Variants in ABCB1 observed in about 807,000 individuals in gnomAD.
ABCB1 encodes the protein ATP binding cassette subfamily B member 1.
A neutral mutation model predicts 142.0 loss-of-function variants in ABCB1; 69 were observed. The ratio of observed to expected loss-of-function variants is 0.49; its 90% CI spans 0.40 to 0.59. ABCB1 has a LOEUF of 0.59. ABCB1 is among the 20% of genes least tolerant of loss of function. The pLI, the probability that ABCB1 is intolerant of heterozygous loss-of-function variation, is 0.00. For synonymous variants in ABCB1, 532 were observed against 539.2 expected (o/e 0.99, Z 0.18); for missense variants, 1,326 against 1,554.7 (o/e 0.85, Z 2.47).
At chr7:87,587,265 A>G (rs904108821) in intron 3 of ABCB1, among the ~76,000 whole-genome samples, 2 of 152,196 alleles carry the variant, frequency 1.3e-5, no homozygotes, top group African/African-American at 4.8e-5. Context: ...ATATGAAAAA[A>G]TTTCTCCCAT....
chr7:87,550,173 T>A lies in ABCB1; in HGVS notation c.1348A>T (p.Met450Leu), dbSNP rs1223199758. 6.2e-7 allele frequency: 1 copy of A among 1,614,038 alleles called. No homozygotes were observed. The highest frequency in any genetic ancestry group is 1.3e-5 in the African/African-American group (1 of 74,920). Residue 450 changes from methionine (M) to leucine (L), a missense_variant and splice_region_variant, in exon 12 of 28, where the codon ATG (methionine) becomes TTG (leucine). Transcript: ENST00000622132. ...MQRLYDPTEG[M>L]VSVDGQDIRT... is the part of the protein sequence containing the mutation. ...CTAGCTCGCATGGGTCATCTCACCA[T>A]CCCCTCTGTGGGGTCATAGAGCCTC... is the stretch of plus-strand genomic sequence containing the variant.
chr7:87,511,959 G>T (rs1210538005), intron 25 of ABCB1, among the ~76,000 whole-genome samples: 1 of 152,132 alleles, frequency 6.6e-6, no homozygotes, highest in East Asian at 1.9e-4. Context: ...ACTGATGAAG[G>T]TTAAGCTTCA....
chr7:87,618,463 G>A (rs17149824), intron 1 of ABCB1, among the ~76,000 whole-genome samples: 65 of 152,124 alleles, frequency 4.3e-4, no homozygotes, highest in African/African-American at 1.4e-3. Flanking sequence ...GTTAATAGTC[G>A]CTTTGAATTT....
intron 21 of ABCB1, among the ~76,000 whole-genome samples, chr7:87,522,606 T>C (rs1815563513): frequency 6.6e-6 from 1 of 152,190 alleles, no homozygotes; most frequent in Non-Finnish European, 1.5e-5. Context: ...TTGTGACTAA[T>C]TGTGTAACAG....
At chr7:87,588,704 G>A (rs533107430) in intron 3 of ABCB1, among the ~76,000 whole-genome samples, 17 of 152,310 alleles carry the variant, frequency 1.1e-4, no homozygotes, top group African/African-American at 3.8e-4. Context: ...CCCAGTAATA[G>A]GTCAAATGGT....
chr7:87,525,179 A>C (rs1479536831), intron 21 of ABCB1, among the ~76,000 whole-genome samples: 1 of 152,170 alleles, frequency 6.6e-6, no homozygotes, highest in African/African-American at 2.4e-5. Flanking sequence ...CTCAGTAATC[A>C]CCATCAGGAG....
chr7:87,551,259 C>T (rs1817054356), intron 9 of ABCB1, among the ~76,000 whole-genome samples: 1 of 152,142 alleles, frequency 6.6e-6, no homozygotes, highest in South Asian at 2.1e-4. Flanking sequence ...TCAAGCAATC[C>T]TCCTGCCTCA....
At position 87,545,960 on chromosome 7, in the gene ABCB1, A is replaced by G; in HGVS notation, c.1790T>C (p.Val597Ala). The G allele has an allele frequency of 6.2e-7, 1 of 1,614,156 alleles. No homozygotes were observed. The change falls in exon 15 of 28, where the codon GTC becomes GCC. Residue 597 changes from valine to alanine, a missense_variant. Coordinates refer to ENST00000622132, the MANE Select transcript of ABCB1 (RefSeq NM_001348946.2). ...GACTCCATCATCGAAACCAGCGATG[A>G]CGTCAGCATTACGAACTGTAGACAA... ...HRLSTVRNAD[V>A]IAGFDDGVIV...
chr7:87,513,659 C>G (rs1294157482), intron 25 of ABCB1, among the ~76,000 whole-genome samples: 3 of 152,150 alleles, frequency 2.0e-5, no homozygotes, highest in Admixed American at 6.5e-5. Context: ...TCACTGATCG[C>G]AGCTTGTATT....
At chr7:87,646,244 C>T (rs1012723977) in intron 1 of ABCB1, among the ~76,000 whole-genome samples, 1 of 152,098 alleles carries the variant, frequency 6.6e-6, no homozygotes, top group Non-Finnish European at 1.5e-5. Context: ...CCATATAGGT[C>T]TCTTGATGAT....
At chr7:87,537,168 C>T (rs1816334005) in intron 19 of ABCB1, 1 of 154,040 alleles carries the variant, frequency 6.5e-6, no homozygotes, top group Non-Finnish European at 1.4e-5. Context: ...TCCTCTGATC[C>T]TCCCCTCCCC....
intron 1 of ABCB1, chr7:87,700,541 C>A: frequency 6.2e-7 from 1 of 1,611,312 alleles, no homozygotes; most frequent in Non-Finnish European, 8.5e-7. Flanking sequence ...AATGTCAGTT[C>A]TTCTAGAGCT....
chr7:87,513,541 T>A (rs1317439119), intron 25 of ABCB1, among the ~76,000 whole-genome samples: 1 of 152,216 alleles, frequency 6.6e-6, no homozygotes, highest in Non-Finnish European at 1.5e-5. Context: ...GATGGTGACA[T>A]CTTTAAATCT....
intron 4 of ABCB1, among the ~76,000 whole-genome samples, chr7:87,576,564 T>C (rs1199708213): frequency 1.3e-5 from 2 of 151,402 alleles, no homozygotes. Context: ...ACCCAGCAAA[T>C]AGTAAATGTT....
chr7:87,515,448 A>T lies in ABCB1; in HGVS notation c.3085-20T>A. On this transcript the variant is annotated intron_variant, in intron 24 of 27. Transcript: ENST00000622132. ...TGTGTTCTGCAATGAGAAGAATAAC[A>T]GTAAATTTGAATGCTGCAATACTGA... 6.2e-7 allele frequency: 1 copy of T among 1,611,344 alleles called. No individual in the cohort carries two copies. Among genetic ancestry groups the T allele is most frequent in the East Asian group, 2.2e-5 (1 of 44,830 alleles).
At chr7:87,515,555 C>T in intron 24 of ABCB1, 127 bp from the exon 25 acceptor site, 1 of 594,596 alleles carries the variant, frequency 1.7e-6, no homozygotes. Flanking sequence ...TCACTTCAAA[C>T]TGCTAGAATT....
chr7:87,625,053 G>C (rs1169502505), intron 1 of ABCB1, among the ~76,000 whole-genome samples: 1 of 152,122 alleles, frequency 6.6e-6, no homozygotes, highest in African/African-American at 2.4e-5. Flanking sequence ...TCAGGAGATC[G>C]AGACCATCCT....
chr7:87,680,029 CA>C (rs1585083247), intron 1 of ABCB1, among the ~76,000 whole-genome samples: 2 of 150,468 alleles, frequency 1.3e-5, no homozygotes, highest in East Asian at 4.0e-4. Context: ...CTACCCTAGC[CA>C]CCCACCCCTA....
intron 26 of ABCB1, 127 bp from the exon 27 acceptor site, chr7:87,506,170 C>A: frequency 1.1e-6 from 1 of 927,436 alleles, no homozygotes; most frequent in South Asian, 1.5e-5. Context: ...AAGAATGGTT[C>A]ATGAATAATT....
Sources: gnomAD v4.1 joint callset for allele counts (sites outside exome capture counted in the v4.1 genomes callset) on GRCh38, gnomAD v4.1.1 for gene constraint, MANE v1.5 for transcripts, NCBI Gene and HGNC (gene_info 2026-07-23, HGNC 2026-07-21) for gene names.